The following DIP2B variants were observed in gnomAD, a reference collection of about 807,000 sequenced individuals.
The protein encoded by DIP2B is disco-interacting protein 2 homolog B.
DIP2B carries 76 observed loss-of-function variants against 198.0 expected under a neutral mutation model. That is an observed-to-expected ratio of 0.38 (90% CI 0.32 to 0.46). The LOEUF is 0.46. DIP2B is among the 20% of genes least tolerant of loss of function. DIP2B has a pLI of 0.99. For missense variants in DIP2B, 1,559 were observed against 1,978.4 expected (o/e 0.79, Z 4.02); for synonymous variants, 701 against 739.1 (o/e 0.95, Z 0.84).
At chr12:50,663,545 G>GACTC (rs1374012318) in intron 4 of DIP2B, among the ~76,000 whole-genome samples, 1 of 55,222 alleles carries the variant, frequency 1.8e-5, no homozygotes, top group African/African-American at 6.5e-5. Flanking sequence ...AACAGAGCCA[G>GACTC]ACTCCGTCTC....
chr12:50,702,813 G>A (rs2139563361), intron 19 of DIP2B, among the ~76,000 whole-genome samples: 1 of 149,504 alleles, frequency 6.7e-6, no homozygotes, highest in East Asian at 2.0e-4. Flanking sequence ...ACATGAATAG[G>A]CTACTCACAA....
chr12:50,512,719 A>G (rs973749863), intron 1 of DIP2B, among the ~76,000 whole-genome samples: 6 of 152,066 alleles, frequency 3.9e-5, no homozygotes, highest in African/African-American at 1.4e-4. Context: ...TTAAAAAGGA[A>G]TGACGGTGGT....
chr12:50,593,729 T>TCC lies in DIP2B; in HGVS notation c.101-32246_101-32245dup, dbSNP rs1958844402. 8.6e-4 allele frequency among the ~76,000 whole-genome samples: 3 copies of TCC among 3,488 alleles called. No homozygotes were observed. In the African/African-American group the frequency reaches 9.1e-3, roughly 11 times the overall value. The allele number at this position is 3,488 out of a possible 152,430, so 2.3% of individuals were successfully genotyped here. ...TCCCCTCCTCTCCTCTCCTCTCCTC[T>TCC]CCTCTCCTCTCCTCTCCCCTCCCCT... On this transcript the variant is annotated intron_variant, in intron 1 of 37. Transcript: ENST00000301180.
intron 1 of DIP2B, among the ~76,000 whole-genome samples, chr12:50,610,348 A>G (rs918670373): frequency 1.3e-5 from 2 of 152,162 alleles, no homozygotes; most frequent in Admixed American, 6.5e-5. Context: ...GATTAGTACA[A>G]TGAGTGAAAT....
intron 1 of DIP2B, among the ~76,000 whole-genome samples, chr12:50,562,237 T>C (rs1356773497): frequency 6.6e-6 from 1 of 152,056 alleles, no homozygotes; most frequent in Non-Finnish European, 1.5e-5. Context: ...TAGATAATGG[T>C]AATACCTGAT....
chr12:50,666,855 A>C (rs1938763241), intron 4 of DIP2B, among the ~76,000 whole-genome samples: 1 of 151,928 alleles, frequency 6.6e-6, no homozygotes, highest in Non-Finnish European at 1.5e-5. Context: ...CCTTGTCTCT[A>C]CTAAATAATA....
intron 1 of DIP2B, among the ~76,000 whole-genome samples, chr12:50,609,943 A>T (rs532506945): frequency 6.6e-6 from 1 of 152,246 alleles, no homozygotes; most frequent in African/African-American, 2.4e-5. Context: ...AACATTTGTT[A>T]TAACTAATAA....
At chr12:50,737,594 TC>T (rs891739876) in intron 35 of DIP2B, among the ~76,000 whole-genome samples, 1 of 151,986 alleles carries the variant, frequency 6.6e-6, no homozygotes, top group African/African-American at 2.4e-5. Flanking sequence ...TAATTTTTCT[TC>T]CCCCAAATCT....
At chr12:50,571,903 C>T (rs1007347854) in intron 1 of DIP2B, among the ~76,000 whole-genome samples, 2 of 152,142 alleles carry the variant, frequency 1.3e-5, no homozygotes, top group African/African-American at 4.8e-5. Context: ...AACATACAGC[C>T]AGGCCTGGAA....
At chr12:50,675,800 T>G (rs1437167492) in intron 7 of DIP2B, among the ~76,000 whole-genome samples, 2 of 152,340 alleles carry the variant, frequency 1.3e-5, no homozygotes, top group Middle Eastern at 3.4e-3. Flanking sequence ...CCTCAAAAGT[T>G]TGCCTACTCT....
At chr12:50,659,479 T>G (rs1469433818) in intron 3 of DIP2B, among the ~76,000 whole-genome samples, 2 of 152,058 alleles carry the variant, frequency 1.3e-5, no homozygotes, top group African/African-American at 2.4e-5. Context: ...GTAAGAGTTT[T>G]TTTTTTTTTT....
chr12:50,703,406 C>CA (rs1350097443), intron 19 of DIP2B, among the ~76,000 whole-genome samples: 2 of 151,680 alleles, frequency 1.3e-5, no homozygotes, highest in African/African-American at 4.8e-5. Context: ...ATAGGCCAGC[C>CA]AATTAAAATT....
At chr12:50,617,930 T>A (rs916012782) in intron 1 of DIP2B, among the ~76,000 whole-genome samples, 3 of 152,244 alleles carry the variant, frequency 2.0e-5, no homozygotes, top group African/African-American at 7.2e-5. Context: ...AGTAATTGCT[T>A]ATGTTGTTTG....
chr12:50,535,622 C>G lies in DIP2B; in HGVS notation c.100+30382C>G, dbSNP rs537614609. ...CTGACCTCAAGTGATCCTCCTGCCT[C>G]GGTCTCCCAAAGTGCTCGGATTACA... On this transcript the variant is annotated intron_variant, in intron 1 of 37. Coordinates refer to ENST00000301180, the MANE Select transcript of DIP2B (RefSeq NM_173602.3). Among the ~76,000 whole-genome samples the G allele has an allele frequency of 1.0e-3, 159 of 151,940 alleles. 1 individual carries two copies. Among genetic ancestry groups the G allele is most frequent in the African/African-American group, 3.5e-3 (147 of 41,436 alleles).
chr12:50,573,254 A>G (rs1047435135), intron 1 of DIP2B, among the ~76,000 whole-genome samples: 8 of 152,262 alleles, frequency 5.3e-5, no homozygotes, highest in African/African-American at 1.9e-4. Flanking sequence ...CCATTAAACA[A>G]ATAACTGCTT....
At chr12:50,667,538 G>C (rs555854071) in intron 4 of DIP2B, among the ~76,000 whole-genome samples, 58 of 152,270 alleles carry the variant, frequency 3.8e-4, no homozygotes, top group African/African-American at 1.3e-3. Flanking sequence ...TACAATCCCA[G>C]AGCAGTGCTA....
intron 19 of DIP2B, among the ~76,000 whole-genome samples, chr12:50,703,752 C>T (rs1356669677): frequency 6.6e-6 from 1 of 152,066 alleles, no homozygotes; most frequent in Non-Finnish European, 1.5e-5. Flanking sequence ...TTGACACCAA[C>T]GACTATGCTG....
chr12:50,651,028 G>A (rs1039911119), intron 3 of DIP2B, among the ~76,000 whole-genome samples: 9 of 152,200 alleles, frequency 5.9e-5, no homozygotes, highest in South Asian at 4.1e-4. Context: ...AGGTATGGCC[G>A]TTCTAGTGGC....
rs373187239 is a variant in DIP2B, at chr12:50,625,951, C to T, written c.101-25C>T. 9.3e-6 allele frequency: 15 copies of T among 1,609,110 alleles called. No individual in the cohort carries two copies. In the African/African-American group the frequency reaches 1.7e-4, roughly 19 times the overall value. ...CCACAGAGTAAGAATAATGCATAAC[C>T]TATTTCTGTTTCTTGCTATTTTAGG... On this transcript the variant is annotated intron_variant, in intron 1 of 37. Coordinates refer to ENST00000301180, the MANE Select transcript of DIP2B (RefSeq NM_173602.3).
Sources: gnomAD v4.1 joint callset for allele counts (sites outside exome capture counted in the v4.1 genomes callset) on GRCh38, gnomAD v4.1.1 for gene constraint, MANE v1.5 for transcripts, NCBI Gene and HGNC (gene_info 2026-07-23, HGNC 2026-07-21) for gene names.